MYH16: variants seen among roughly 807,000 people sequenced by gnomAD.
MYH16 encodes the protein putative uncharacterized protein MYH16.
At chr7:99,283,691 C>T (rs1249135389) in intron 24 of MYH16, 40 bp downstream of exon 6, 1 of 456,358 alleles carries the variant, frequency 2.2e-6, no homozygotes, top group Non-Finnish European at 4.4e-6. Flanking sequence ...AACTCCAAGG[C>T]CAGATCCCTC....
chr7:99,302,660 T>A (rs971589076), intron 38 of MYH16, among the ~76,000 whole-genome samples: 1 of 151,904 alleles, frequency 6.6e-6, no homozygotes, highest in African/African-American at 2.4e-5. Flanking sequence ...GTGGGAGGAC[T>A]GCTTGAGGCC....
intron 1 of MYH16, among the ~76,000 whole-genome samples, chr7:99,239,409 G>A (rs889005855): frequency 1.3e-5 from 2 of 152,202 alleles, no homozygotes; most frequent in African/African-American, 4.8e-5. Context: ...GTGTCACTGT[G>A]TGCCATGGCC....
At chr7:99,266,043 T>C (rs1791983781) in intron 17 of MYH16, among the ~76,000 whole-genome samples, 1 of 152,220 alleles carries the variant, frequency 6.6e-6, no homozygotes, top group Non-Finnish European at 1.5e-5. Context: ...CTCACCCTTC[T>C]GGTGGCTAAA....
chr7:99,268,815 C>T (rs1343830841), intron 18 of MYH16, among the ~76,000 whole-genome samples: 1 of 152,206 alleles, frequency 6.6e-6, no homozygotes, highest in Non-Finnish European at 1.5e-5. Context: ...CGATGTCTAG[C>T]TCCTCGGGGG....
intron 5 of MYH16, chr7:99,250,198 G>C (rs1015365376): frequency 6.6e-6 from 1 of 152,456 alleles, no homozygotes; most frequent in Non-Finnish European, 1.5e-5. Context: ...AAGAGACTGA[G>C]GCTTAGAGAG....
At chr7:99,308,773 A>T (rs1158284817), downstream of MYH16, among the ~76,000 whole-genome samples, 2 of 152,154 alleles carry the variant, frequency 1.3e-5, no homozygotes, top group African/African-American at 4.8e-5. Context: ...CTCCTTTAAC[A>T]AGAGCCAAGT....
chr7:99,271,284 G>A (rs536739260), intron 19 of MYH16, among the ~76,000 whole-genome samples: 25 of 152,286 alleles, frequency 1.6e-4, no homozygotes, highest in African/African-American at 4.3e-4. Flanking sequence ...TGAGGCGGGC[G>A]GATTGCCTGA....
chr7:99,241,182 G>T (rs78653058), intron 1 of MYH16, among the ~76,000 whole-genome samples: 1,880 of 152,318 alleles, frequency 0.012, 23 homozygotes, highest in Non-Finnish European at 0.018. Flanking sequence ...GGCTTCCCTG[G>T]CTCCTAAAAT....
At chr7:99,264,226 G>C (rs954205309) in intron 14 of MYH16, 4 of 152,680 alleles carry the variant, frequency 2.6e-5, no homozygotes, top group African/African-American at 9.6e-5. Flanking sequence ...GTACTGATGT[G>C]AAACGTGCTT....
At position 99,265,595 on chromosome 7, in the gene MYH16, G is replaced by C. The variant is rs555120214; in HGVS notation, n.2053G>C. On this transcript the variant is annotated non_coding_transcript_exon_variant, in exon 17 of 42. Transcript: ENST00000439784. ...GTGTGATAGACGCCCACCTGATCAT[G>C]CACCAGCTAGCTTGCAATGGTGTCC... The C allele has an allele frequency of 1.6e-3, 245 of 154,504 alleles. 1 individual carries two copies. Among genetic ancestry groups the C allele is most frequent in the Non-Finnish European group, 2.8e-3 (193 of 68,272 alleles). The allele number at this position is 154,504 out of a possible 1,614,324, so 9.6% of individuals were successfully genotyped here.
intron 12 of MYH16, chr7:99,261,231 CGAT>C (rs902486206): frequency 9.9e-5 from 15 of 152,192 alleles, no homozygotes; most frequent in African/African-American, 2.9e-4. Flanking sequence ...CTGTTGGACT[CGAT>C]GATTTCAGCC....
chr7:99,305,781 AC>A (rs778327813), intron 40 of MYH16, 54 bp from the exon 22 acceptor site: 6 of 152,920 alleles, frequency 3.9e-5, no homozygotes, highest in Non-Finnish European at 7.3e-5. Context: ...TGTCAGAAAA[AC>A]AAAAAACAAA....
chr7:99,258,494 T>G (rs1055827272), intron 11 of MYH16: 1 of 152,532 alleles, frequency 6.6e-6, no homozygotes, highest in Admixed American at 6.5e-5. Flanking sequence ...GTTTCTCACC[T>G]TGGACCTGGG....
rs73407298 is a variant in MYH16, at chr7:99,279,452, G to A, written n.2660-58G>A. The A allele has an allele frequency of 2.7e-3, 1,208 of 447,722 alleles. 19 individuals are homozygous for A. The highest frequency in any genetic ancestry group is 0.022 in the African/African-American group (1,099 of 49,608). 27.7% of individuals were successfully genotyped at this position (447,722 alleles called of 1,614,324 possible). On this transcript the variant is annotated intron_variant and non_coding_transcript_variant, in intron 21 of 41. Coordinates refer to ENST00000439784, the Ensembl canonical transcript of MYH16. ...TTGTTCAGCTCAAGGCTTGTCCAGC[G>A]TCTTGGTGTGGTCTTTGCCTGGACC...
chr7:99,264,671 A>C (rs1463850552), intron 15 of MYH16, among the ~76,000 whole-genome samples: 2 of 152,132 alleles, frequency 1.3e-5, no homozygotes, highest in African/African-American at 4.8e-5. Context: ...AGATGTCAAC[A>C]CTTTTCAAGA....
At chr7:99,240,048 G>A (rs1317369173) in intron 1 of MYH16, among the ~76,000 whole-genome samples, 1 of 151,636 alleles carries the variant, frequency 6.6e-6, no homozygotes, top group Non-Finnish European at 1.5e-5. Context: ...ATTTTTATTA[G>A]AATTTTTTTA....
At chr7:99,279,388 C>T (rs1042096854) in intron 21 of MYH16, 122 bp from the exon 4 acceptor site, 4 of 326,176 alleles carry the variant, frequency 1.2e-5, no homozygotes, top group Non-Finnish European at 2.4e-5. Context: ...AAAAGGAGCT[C>T]GAGATAGCCC....
In MYH16 at chr7:99,278,378, G is replaced by C. The variant is rs191874355; in HGVS notation, n.2659+666G>C. 1.2e-4 allele frequency among the ~76,000 whole-genome samples: 18 copies of C among 152,254 alleles called. No individual in the cohort carries two copies. The East Asian group carries it at 3.5e-3, about 29-fold the overall frequency. ...TCCCCTGGAGTCAGGGCTGGGCTCT[G>C]CCATACAAACTTGGCAACTTACCCA... On this transcript the variant is annotated intron_variant and non_coding_transcript_variant, in intron 21 of 41. Coordinates refer to ENST00000439784, the Ensembl canonical transcript of MYH16.
At chr7:99,282,428 T>C (rs1332133336) in intron 23 of MYH16, among the ~76,000 whole-genome samples, 1 of 152,178 alleles carries the variant, frequency 6.6e-6, no homozygotes, top group East Asian at 1.9e-4. Context: ...AGGGAAAATA[T>C]AGGGTTAGAC....
Sources: allele counts gnomAD v4.1 joint callset (sites outside exome capture counted in the v4.1 genomes callset), GRCh38; gene constraint gnomAD v4.1.1; transcripts MANE v1.5; gene names NCBI Gene and HGNC (gene_info 2026-07-23, HGNC 2026-07-21).